The following NTNG1 variants were observed in gnomAD, a reference collection of about 807,000 sequenced individuals.
The protein encoded by NTNG1 is netrin-G1.
In NTNG1, 16 loss-of-function variants were observed where a neutral mutation model predicts 54.0. The ratio of observed to expected loss-of-function variants is 0.30; its 90% confidence interval spans 0.20 to 0.45. The LOEUF (loss-of-function observed/expected upper bound fraction) is 0.45, where lower values mean the gene tolerates loss of function less well. NTNG1 is among the 20% of genes least tolerant of loss of function. NTNG1 has a pLI of 1.00. For missense variants in NTNG1, 530 were observed against 678.7 expected (o/e 0.78, Z 2.43); for synonymous variants, 255 against 263.1 (o/e 0.97, Z 0.30).
intron 2 of NTNG1, 27 bp from the exon 3 acceptor site, chr1:107,324,255 G>C: frequency 6.2e-7 from 1 of 1,600,328 alleles, no homozygotes; most frequent in Non-Finnish European, 8.5e-7. Context: ...GTGTTTTGAT[G>C]CACGCTCTTT....
intron 6 of NTNG1, 50 bp downstream of exon 6, chr1:107,430,967 G>T (rs1237800191): frequency 6.3e-7 from 1 of 1,580,646 alleles, no homozygotes; most frequent in Non-Finnish European, 8.6e-7. Flanking sequence ...TTGAGCTACG[G>T]GGAGATATTT....
At chr1:107,243,014 T>C (rs1661948745) in intron 2 of NTNG1, among the ~76,000 whole-genome samples, 1 of 152,182 alleles carries the variant, frequency 6.6e-6, no homozygotes, top group South Asian at 2.1e-4. Context: ...TGCCAGAGGG[T>C]TTTTGATTTA....
At chr1:107,190,012 A>G (rs776978237) in intron 2 of NTNG1, among the ~76,000 whole-genome samples, 1 of 152,176 alleles carries the variant, frequency 6.6e-6, no homozygotes, top group African/African-American at 2.4e-5. Flanking sequence ...GATACATGCT[A>G]CAATATGGAT....
chr1:107,365,643 A>G (rs927842675), intron 3 of NTNG1, among the ~76,000 whole-genome samples: 5 of 152,220 alleles, frequency 3.3e-5, no homozygotes, highest in African/African-American at 1.2e-4. Context: ...TCAATGAAAC[A>G]TAATCATATT....
intron 2 of NTNG1, among the ~76,000 whole-genome samples, chr1:107,278,227 A>G (rs1304847392): frequency 6.6e-6 from 1 of 152,232 alleles, no homozygotes; most frequent in Non-Finnish European, 1.5e-5. Flanking sequence ...AGTATTTCCT[A>G]AAGAACTATT....
intron 7 of NTNG1, among the ~76,000 whole-genome samples, chr1:107,444,095 GCTA>G (rs1558004791): frequency 6.6e-6 from 1 of 151,976 alleles, no homozygotes; most frequent in Admixed American, 6.6e-5. Flanking sequence ...CGTTTTGTCT[GCTA>G]GATGAGCAAA....
chr1:107,198,418 G>A (rs919524080), intron 2 of NTNG1, among the ~76,000 whole-genome samples: 1 of 151,878 alleles, frequency 6.6e-6, no homozygotes, highest in East Asian at 1.9e-4. Context: ...AAATTTTCCA[G>A]AACAGTAAAA....
At chr1:107,362,423 C>T (rs895159939) in intron 3 of NTNG1, among the ~76,000 whole-genome samples, 3 of 152,196 alleles carry the variant, frequency 2.0e-5, no homozygotes, top group Non-Finnish European at 4.4e-5. Flanking sequence ...TATCCTACTG[C>T]TTTAATTACT....
intron 2 of NTNG1, among the ~76,000 whole-genome samples, chr1:107,248,887 G>T (rs1201530066): frequency 6.6e-6 from 1 of 151,652 alleles, no homozygotes; most frequent in Non-Finnish European, 1.5e-5. Flanking sequence ...GGTGGCTCAT[G>T]CCTATAATCC....
rs145912381 is a variant in NTNG1 at position 107,455,785 on chromosome 1, G to A, written c.1390+18986G>A. On this transcript the variant is annotated intron_variant, in intron 7 of 7. Transcript: ENST00000370068. ...GCTACATGGTCAGGCTGCCTCTGTT[G>A]CCCCGGAGACAGGAATGGTAAGAAT... 1.3e-3 allele frequency among the ~76,000 whole-genome samples: 195 copies of A among 152,312 alleles called. 1 individual carries two copies. The highest frequency in any genetic ancestry group is 2.1e-3 in the Non-Finnish European group (146 of 68,034).
intron 2 of NTNG1, among the ~76,000 whole-genome samples, chr1:107,222,221 A>G (rs1423897389): frequency 6.6e-6 from 1 of 151,860 alleles, no homozygotes; most frequent in African/African-American, 2.4e-5. Flanking sequence ...TACTTCCCAC[A>G]TGTTATCTGT....
At chr1:107,251,939 CG>C (rs988209094) in intron 2 of NTNG1, among the ~76,000 whole-genome samples, 1 of 152,140 alleles carries the variant, frequency 6.6e-6, no homozygotes, top group Non-Finnish European at 1.5e-5. Context: ...ATACTGAGAA[CG>C]GAAGGGTATT....
At chr1:107,342,226 C>T (rs1355588249) in intron 3 of NTNG1, among the ~76,000 whole-genome samples, 1 of 151,964 alleles carries the variant, frequency 6.6e-6, no homozygotes, top group African/African-American at 2.4e-5. Context: ...TAAAATGTGA[C>T]TGACTTCAGT....
chr1:107,145,657 G>A (rs1029091374), intron 1 of NTNG1, among the ~76,000 whole-genome samples: 27 of 152,098 alleles, frequency 1.8e-4, no homozygotes, highest in African/African-American at 5.3e-4. Context: ...GTAATGTAAT[G>A]GAAAACTATT....
At chr1:107,348,930 A>AC (rs1669429822) in intron 3 of NTNG1, among the ~76,000 whole-genome samples, 1 of 152,192 alleles carries the variant, frequency 6.6e-6, no homozygotes, top group Admixed American at 6.5e-5. Context: ...ACTTAAATCT[A>AC]CTACTTTTGT....
intron 2 of NTNG1, among the ~76,000 whole-genome samples, chr1:107,306,657 C>T (rs540347042): frequency 3.4e-4 from 52 of 151,600 alleles, no homozygotes; most frequent in African/African-American, 1.1e-3. Context: ...AGGCTGAGGC[C>T]GGAGAATCGC....
intron 2 of NTNG1, among the ~76,000 whole-genome samples, chr1:107,300,003 G>A (rs1666226417): frequency 2.6e-5 from 4 of 152,072 alleles, no homozygotes; most frequent in Admixed American, 1.3e-4. Context: ...CTTCATGGCC[G>A]TTGCCATTTT....
At chr1:107,242,453 G>A (rs898988852) in intron 2 of NTNG1, among the ~76,000 whole-genome samples, 1 of 152,154 alleles carries the variant, frequency 6.6e-6, no homozygotes, top group Non-Finnish European at 1.5e-5. Flanking sequence ...TGTGGTAAGA[G>A]AAAGTCTTCC....
intron 2 of NTNG1, among the ~76,000 whole-genome samples, chr1:107,308,242 A>C (rs1341692092): frequency 1.3e-5 from 2 of 152,062 alleles, no homozygotes; most frequent in Admixed American, 1.3e-4. Flanking sequence ...CTATGTCCAG[A>C]ATGTTATTGC....
Sources: allele counts gnomAD v4.1 joint callset (sites outside exome capture counted in the v4.1 genomes callset), GRCh38; gene constraint gnomAD v4.1.1; transcripts MANE v1.5; gene names NCBI Gene and HGNC (gene_info 2026-07-23, HGNC 2026-07-21).